PSMD1: variants seen among roughly 807,000 people sequenced by gnomAD.
The protein encoded by PSMD1 is 26S proteasome non-ATPase regulatory subunit 1.
PSMD1 carries 18 observed loss-of-function variants against 119.0 expected under a neutral mutation model. The observed-to-expected ratio is 0.15, with a 90% confidence interval of 0.10 to 0.22. The LOEUF (loss-of-function observed/expected upper bound fraction) is 0.22, where lower values mean the gene tolerates loss of function less well. PSMD1 is among the 10% of genes least tolerant of loss of function. The pLI is 1.00. For synonymous variants in PSMD1, 374 were observed against 396.6 expected, an observed-to-expected ratio of 0.94 and a Z score of 0.68; for missense variants, 702 against 1,158.5, an observed-to-expected ratio of 0.61 and a Z score of 5.72.
intron 5 of PSMD1, among the ~76,000 whole-genome samples, chr2:231,067,338 T>C (rs1373818360): frequency 6.6e-6 from 1 of 152,242 alleles, no homozygotes; most frequent in Non-Finnish European, 1.5e-5. Context: ...AAGTCTTGCA[T>C]GGGGAAGTTG....
chr2:231,160,488 A>G (rs1263352679), intron 19 of PSMD1, among the ~76,000 whole-genome samples: 2 of 152,238 alleles, frequency 1.3e-5, no homozygotes, highest in Admixed American at 6.5e-5. Flanking sequence ...ACCAAGAGTC[A>G]GAACATATTC....
intron 23 of PSMD1, among the ~76,000 whole-genome samples, chr2:231,169,519 A>G (rs1315483025): frequency 6.6e-6 from 1 of 152,176 alleles, no homozygotes; most frequent in Non-Finnish European, 1.5e-5. Flanking sequence ...TGTCAGGAGA[A>G]GGGAAATAGT....
chr2:231,091,116 C>T (rs185485027), intron 16 of PSMD1, among the ~76,000 whole-genome samples: 9 of 152,206 alleles, frequency 5.9e-5, no homozygotes, highest in Non-Finnish European at 1.2e-4. Flanking sequence ...GAGAGTTAGC[C>T]GCCTCTATAA....
At chr2:231,164,053 C>T (rs1173949412) in intron 21 of PSMD1, among the ~76,000 whole-genome samples, 1 of 152,088 alleles carries the variant, frequency 6.6e-6, no homozygotes. Context: ...TTAAAACTTT[C>T]AATGTATACA....
rs138864633 is a variant in PSMD1 at position 231,172,242 on chromosome 2, A to G, written c.*10-293A>G. Among the ~76,000 whole-genome samples, 128 of 152,354 alleles carry G rather than the reference A, an allele frequency of 8.4e-4. 1 individual carries two copies. Among genetic ancestry groups the G allele is most frequent in the African/African-American group, 2.7e-3 (112 of 41,586 alleles). ...GTTAGCTCCCATCAAGCCTTTGGCA[A>G]TACCTCATGGAAAACCCTTGATTAC... On this transcript the variant is annotated intron_variant, in intron 24 of 24. Transcript: ENST00000308696.
chr2:231,079,727 G>A, intron 11 of PSMD1, 113 bp downstream of exon 11: 1 of 621,780 alleles, frequency 1.6e-6, no homozygotes, highest in Non-Finnish European at 2.6e-6. Context: ...TGTTAAGTCA[G>A]ATAAGTCATT....
At chr2:231,081,001 G>A (rs957059741) in intron 12 of PSMD1, among the ~76,000 whole-genome samples, 4 of 151,970 alleles carry the variant, frequency 2.6e-5, no homozygotes, top group African/African-American at 7.3e-5. Context: ...AAAATTAGCC[G>A]GGCATGGTGG....
At chr2:231,123,795 C>A (rs769725741) in intron 16 of PSMD1, 1 of 1,501,748 alleles carries the variant, frequency 6.7e-7, no homozygotes, top group African/African-American at 1.4e-5. Context: ...AATCCCGTTC[C>A]GAACAGTGGT....
chr2:231,085,143 G>C (rs1694400360), intron 15 of PSMD1, 29 bp downstream of exon 15: 1 of 1,581,920 alleles, frequency 6.3e-7, no homozygotes, highest in African/African-American at 1.3e-5. Flanking sequence ...CTTGGGAATG[G>C]GGTGGACGGA....
rs1166720914 is a variant in PSMD1 at position 231,150,353 on chromosome 2, G to GA, written c.2116-3199dup. The stretch of plus-strand genomic sequence containing the variant: ...CACAGTGAGGCTGTCTCAAGGAGGG[G>GA]AAAAAAAAAAAAGTATATATGTCTA... On this transcript the variant is annotated intron_variant, in intron 18 of 24. Transcript: ENST00000308696. Among the ~76,000 whole-genome samples the GA allele has an allele frequency of 1.7e-3, 237 of 136,752 alleles. 1 individual carries two copies. The highest frequency in any genetic ancestry group is 2.7e-3 in the South Asian group (12 of 4,370). 89.7% of individuals were successfully genotyped at this position (136,752 alleles called of 152,430 possible). A position where few individuals can be genotyped will look rare whatever the true frequency, so the allele number is the denominator to read the frequency against.
At chr2:231,090,313 C>A (rs929662737) in intron 16 of PSMD1, among the ~76,000 whole-genome samples, 2 of 152,154 alleles carry the variant, frequency 1.3e-5, no homozygotes, top group Non-Finnish European at 2.9e-5. Context: ...GAAGCCAACG[C>A]GGCAGATCAC....
At chr2:231,162,057 G>T (rs1031265314) in intron 20 of PSMD1, among the ~76,000 whole-genome samples, 10 of 152,230 alleles carry the variant, frequency 6.6e-5, no homozygotes, top group African/African-American at 2.4e-4. Context: ...GTAGAAGCAG[G>T]AAACAAGACC....
At chr2:231,070,197 A>G (rs371551589) in intron 6 of PSMD1, 29 bp downstream of exon 6, 31 of 1,496,156 alleles carry the variant, frequency 2.1e-5, no homozygotes, top group Middle Eastern at 3.6e-4. Flanking sequence ...GTTTCATTAC[A>G]TTGCTCCACG....
chr2:231,126,298 G>A (rs967624510), intron 16 of PSMD1, among the ~76,000 whole-genome samples: 6 of 151,978 alleles, frequency 3.9e-5, no homozygotes, highest in Admixed American at 6.6e-5. Context: ...GCTACTGGGC[G>A]GCGGCGGAGG....
chr2:231,165,176 A>C (rs755049622), intron 21 of PSMD1, 24 bp from the exon 22 acceptor site: 2 of 1,581,036 alleles, frequency 1.3e-6, no homozygotes, highest in South Asian at 2.3e-5. Flanking sequence ...GGATTACAAC[A>C]GTTTACCCTG....
chr2:231,121,968 G>A (rs1240218684), intron 16 of PSMD1, among the ~76,000 whole-genome samples: 1 of 134,352 alleles, frequency 7.4e-6, no homozygotes. Flanking sequence ...TCATATGCCT[G>A]TACAGTATTT....
At chr2:231,109,375 C>A in intron 16 of PSMD1, 1 of 1,614,120 alleles carries the variant, frequency 6.2e-7, no homozygotes, top group South Asian at 1.1e-5. Context: ...CCACATCAGT[C>A]TCTATCCCTT....
At chr2:231,109,127 T>G in intron 16 of PSMD1, 1 of 1,614,088 alleles carries the variant, frequency 6.2e-7, no homozygotes, top group Non-Finnish European at 8.5e-7. Context: ...TGCCACCTTT[T>G]CCGGTGACGA....
At chr2:231,060,933 C>T (rs35354824) in intron 1 of PSMD1, among the ~76,000 whole-genome samples, 6,023 of 152,222 alleles carry the variant, frequency 0.04, 182 homozygotes, top group Non-Finnish European at 0.061. Flanking sequence ...GGGCCCCATC[C>T]TCATAATTTG....
Sources: allele counts gnomAD v4.1 joint callset (sites outside exome capture counted in the v4.1 genomes callset), GRCh38; gene constraint gnomAD v4.1.1; transcripts MANE v1.5; gene names NCBI Gene and HGNC (gene_info 2026-07-23, HGNC 2026-07-21).